ELL: variants seen among roughly 807,000 people sequenced by gnomAD.
ELL encodes RNA polymerase II elongation factor ELL.
In ELL, 18 loss-of-function variants were observed where a neutral mutation model predicts 64.0. The ratio of observed to expected loss-of-function variants is 0.28; its 90% CI spans 0.19 to 0.42. The LOEUF (loss-of-function observed/expected upper bound fraction) is 0.42. Among genes scored for constraint, ELL ranks in the 10% least tolerant of loss-of-function variants. ELL has a pLI of 1.00. For synonymous variants in ELL, 399 were observed against 376.2 expected (o/e 1.06, Z -0.70); for missense variants, 797 against 870.4 (o/e 0.92, Z 1.06).
At chr19:18,505,184 C>G (rs1366075692) in intron 1 of ELL, among the ~76,000 whole-genome samples, 2 of 152,206 alleles carry the variant, frequency 1.3e-5, no homozygotes, top group Non-Finnish European at 1.5e-5. Context: ...GCCCCCACTC[C>G]TCTCCCATCC....
At position 18,450,984 on chromosome 19, in the gene ELL, G is replaced by C; in HGVS notation, c.967-9C>G. ...GGAGGCTGCAGCCGCTTCTGGAGAG[G>C]AGCAGAGATCATTTTAGAGGGGAGC... On this transcript the variant is annotated splice_polypyrimidine_tract_variant and intron_variant, in intron 7 of 11. Coordinates refer to ENST00000262809, the MANE Select transcript of ELL (RefSeq NM_006532.4). 6.6e-7 allele frequency: 1 copy of C among 1,516,188 alleles called. No homozygotes were observed. The highest frequency in any genetic ancestry group is 2.3e-5 in the East Asian group (1 of 43,820). 93.9% of individuals were successfully genotyped at this position (1,516,188 alleles called of 1,614,324 possible). A position where few individuals can be genotyped will look rare whatever the true frequency, so the allele number is the denominator to read the frequency against.
At chr19:18,491,888 G>A (rs1975541401) in intron 1 of ELL, among the ~76,000 whole-genome samples, 1 of 152,116 alleles carries the variant, frequency 6.6e-6, no homozygotes, top group Non-Finnish European at 1.5e-5. Context: ...GTGAGACCCA[G>A]TCTAAAAAAT....
intron 6 of ELL, among the ~76,000 whole-genome samples, chr19:18,456,740 C>A (rs961756171): frequency 1.3e-5 from 2 of 152,024 alleles, no homozygotes; most frequent in African/African-American, 4.8e-5. Flanking sequence ...GGAGAAACCA[C>A]CCCCCAAAGC....
intron 1 of ELL, among the ~76,000 whole-genome samples, chr19:18,497,681 G>A (rs975597446): frequency 1.3e-5 from 2 of 151,880 alleles, no homozygotes; most frequent in East Asian, 1.9e-4. Flanking sequence ...GCTGGGCATG[G>A]TGGCATACAC....
At chr19:18,465,235 C>A (rs2144919456) in intron 4 of ELL, among the ~76,000 whole-genome samples, 177 bp downstream of exon 4, 1 of 152,352 alleles carries the variant, frequency 6.6e-6, no homozygotes, top group Admixed American at 6.5e-5. Context: ...TGTGGCCATA[C>A]CTCTCTTCCC....
intron 1 of ELL, 116 bp from the exon 2 acceptor site, chr19:18,472,998 G>A (rs952968293): frequency 2.4e-6 from 3 of 1,265,368 alleles, no homozygotes; most frequent in Non-Finnish European, 3.2e-6. Flanking sequence ...GTGTTCTCAG[G>A]AGAGGGGAAA....
intron 6 of ELL, among the ~76,000 whole-genome samples, chr19:18,452,169 T>C (rs1290762517): frequency 6.6e-6 from 1 of 152,154 alleles, no homozygotes; most frequent in East Asian, 1.9e-4. Flanking sequence ...CTCCATGTGA[T>C]CTGGGCAAGT....
At chr19:18,471,702 C>T (rs1188420451) in intron 2 of ELL, among the ~76,000 whole-genome samples, 1 of 152,152 alleles carries the variant, frequency 6.6e-6, no homozygotes, top group Non-Finnish European at 1.5e-5. Context: ...TAAGGCATAT[C>T]GGGTAGGTTA....
intron 1 of ELL, among the ~76,000 whole-genome samples, chr19:18,483,636 T>C (rs1431302281): frequency 6.6e-6 from 1 of 152,156 alleles, no homozygotes; most frequent in Non-Finnish European, 1.5e-5. Flanking sequence ...GCAGACCTCA[T>C]CCCAACCTCA....
In ELL at chr19:18,445,288, T is replaced by C. The variant is rs1600416642; in HGVS notation, c.1705-20A>G. On this transcript the variant is annotated intron_variant, in intron 10 of 11. Coordinates refer to ENST00000262809, the MANE Select transcript of ELL (RefSeq NM_006532.4). The stretch of plus-strand genomic sequence containing the variant: ...AGTAGTCTAGAAGAAAAACAAAATT[T>C]TGAGAAAACAGAATGTGTCCCCGCC... 6.2e-7 allele frequency: 1 copy of C among 1,613,672 alleles called. No homozygotes were observed.
Position 18,443,505 on chromosome 19 carries a change from T to C in ELL, c.*1247A>G, listed in dbSNP as rs976583068. ...CAGCCGCCATCCACCCCCCACCACCTTTCCAAGTCATGGCTTCATTCAGCC... is the reference window on the plus strand; with the variant it reads ...CAGCCGCCATCCACCCCCCACCACCCTTCCAAGTCATGGCTTCATTCAGCC... On this transcript the variant is annotated 3_prime_UTR_variant, in exon 12 of 12. Transcript: ENST00000262809. 1.3e-5 allele frequency: 3 copies of C among 233,276 alleles called. No homozygotes were observed. Among genetic ancestry groups the C allele is most frequent in the Non-Finnish European group, 2.5e-5 (3 of 118,036 alleles). 14.5% of individuals were successfully genotyped at this position (233,276 alleles called of 1,614,324 possible).
At chr19:18,463,793 A>G (rs1974881581) in intron 4 of ELL, among the ~76,000 whole-genome samples, 1 of 151,492 alleles carries the variant, frequency 6.6e-6, no homozygotes, top group African/African-American at 2.4e-5. Context: ...CCTGGCTAAC[A>G]CGGTGAAACC....
At chr19:18,460,931 CCCCAGGAAG>C (rs1055483514) in intron 5 of ELL, among the ~76,000 whole-genome samples, 2 of 152,172 alleles carry the variant, frequency 1.3e-5, no homozygotes, top group Non-Finnish European at 2.9e-5. Context: ...TTCCCAGGGA[CCCCAGGAAG>C]CCAAGGTGGA....
Position 18,472,819 on chromosome 19 carries a change from T to G in ELL, c.183+16A>C. 6.2e-7 allele frequency: 1 copy of G among 1,600,434 alleles called. No individual in the cohort carries two copies. Among genetic ancestry groups the G allele is most frequent in the Admixed American group, 1.7e-5 (1 of 57,750 alleles). ...TCCCAAGATTCCAAATATGAATGATTAAGACAAAAACTTACCCCTTGGCTT... is the reference window on the plus strand; with the variant it reads ...TCCCAAGATTCCAAATATGAATGATGAAGACAAAAACTTACCCCTTGGCTT... On this transcript the variant is annotated intron_variant, in intron 2 of 11. Coordinates refer to ENST00000262809, the MANE Select transcript of ELL (RefSeq NM_006532.4).
chr19:18,495,268 G>A (rs1975624054), intron 1 of ELL, among the ~76,000 whole-genome samples: 1 of 152,152 alleles, frequency 6.6e-6, no homozygotes. Context: ...GAGGAGTGGG[G>A]AGGGTCAGTG....
At chr19:18,510,758 G>A (rs1168970786) in intron 1 of ELL, among the ~76,000 whole-genome samples, 1 of 152,180 alleles carries the variant, frequency 6.6e-6, no homozygotes, top group Non-Finnish European at 1.5e-5. Context: ...GTGCACGGCT[G>A]GTGGGAATGT....
At chr19:18,482,272 C>A (rs1259535723) in intron 1 of ELL, among the ~76,000 whole-genome samples, 1 of 123,806 alleles carries the variant, frequency 8.1e-6, no homozygotes, top group East Asian at 2.6e-4. Context: ...ATAAATTTTA[C>A]ATTTTACTCC....
At chr19:18,470,178 C>T (rs1269227087) in intron 2 of ELL, among the ~76,000 whole-genome samples, 1 of 152,240 alleles carries the variant, frequency 6.6e-6, no homozygotes, top group African/African-American at 2.4e-5. Flanking sequence ...TGTAGCCACC[C>T]CAGGTCTCTC....
intron 1 of ELL, among the ~76,000 whole-genome samples, chr19:18,476,186 G>A (rs1568386634): frequency 6.6e-6 from 1 of 152,218 alleles, no homozygotes; most frequent in African/African-American, 2.4e-5. Context: ...GGAACTCAGT[G>A]CAGCAGCTGC....
Sources: gnomAD v4.1 joint callset for allele counts (sites outside exome capture counted in the v4.1 genomes callset) on GRCh38, gnomAD v4.1.1 for gene constraint, MANE v1.5 for transcripts, NCBI Gene and HGNC (gene_info 2026-07-23, HGNC 2026-07-21) for gene names.